Variants in THADA observed in about 807,000 individuals in gnomAD.
The protein encoded by THADA is tRNA (32-2'-O)-methyltransferase regulator THADA.
In THADA, 213 loss-of-function variants were observed where a neutral mutation model predicts 219.8. The observed-to-expected ratio is 0.97, with a 90% confidence interval of 0.87 to 1.09. The LOEUF is 1.09. Among genes scored for constraint, THADA ranks in the 50% least tolerant of loss-of-function variants. THADA has a pLI of 0.00. For synonymous variants in THADA, 1,018 were observed against 828.9 expected (o/e 1.23, Z -3.92); for missense variants, 2,956 against 2,311.3 (o/e 1.28, Z -5.72).
chr2:43,292,846 T>A lies in THADA; in HGVS notation c.4806A>T (p.Glu1602Asp). Residue 1602 changes from glutamate (E) to aspartate (D), a missense_variant, in exon 32 of 38, where the codon GAA becomes GAT. Glu to Asp is a conservative substitution (Grantham distance 45, BLOSUM62 2). Coordinates refer to ENST00000405975, the MANE Select transcript of THADA (RefSeq NM_022065.5). Reference sequence around the variant, plus strand: ...TTGGAGACTTTACCTTGCAGAAGCATTCTGGGTGATTTTCCTTCATGGCCA... The same window carrying A: ...TTGGAGACTTTACCTTGCAGAAGCAATCTGGGTGATTTTCCTTCATGGCCA... ...LLLAMKENHPECFCKILKILH... is the reference protein window; with the variant it reads ...LLLAMKENHPDCFCKILKILH... The A allele has an allele frequency of 6.2e-7, 1 of 1,612,664 alleles. No homozygotes were observed. The highest frequency in any genetic ancestry group is 8.5e-7 in the Non-Finnish European group (1 of 1,179,804).
chr2:43,271,210 T>A (rs540090719), intron 36 of THADA, among the ~76,000 whole-genome samples: 2 of 152,332 alleles, frequency 1.3e-5, no homozygotes, highest in South Asian at 4.1e-4. Context: ...AGAAATTCCA[T>A]CCTGCATGAT....
intron 29 of THADA, among the ~76,000 whole-genome samples, chr2:43,361,985 AG>A: frequency 6.6e-6 from 1 of 152,336 alleles, no homozygotes; most frequent in East Asian, 1.9e-4. Flanking sequence ...ACATATCCAG[AG>A]GTATAATTTC....
intron 28 of THADA, chr2:43,408,480 T>C (rs1477038521): frequency 1.3e-5 from 2 of 152,216 alleles, no homozygotes; most frequent in Non-Finnish European, 2.9e-5. Flanking sequence ...ATTGGCAGAA[T>C]TTTCTTGGGT....
At chr2:43,532,506 G>A (rs555913352) in intron 21 of THADA, among the ~76,000 whole-genome samples, 1 of 151,150 alleles carries the variant, frequency 6.6e-6, no homozygotes, top group South Asian at 2.1e-4. Flanking sequence ...AAAACCACAT[G>A]ATTATCTCAA....
At chr2:43,312,133 C>T (rs1281870485) in intron 31 of THADA, among the ~76,000 whole-genome samples, 1 of 151,666 alleles carries the variant, frequency 6.6e-6, no homozygotes. Flanking sequence ...GCAGGAGGAT[C>T]ACTTGGGCCC....
At chr2:43,374,387 T>C (rs1330580013) in intron 29 of THADA, among the ~76,000 whole-genome samples, 1 of 152,226 alleles carries the variant, frequency 6.6e-6, no homozygotes, top group Non-Finnish European at 1.5e-5. Flanking sequence ...CACTGTAAAA[T>C]AGTATTCACT....
chr2:43,406,970 A>C (rs920719144), intron 28 of THADA, among the ~76,000 whole-genome samples: 8 of 152,206 alleles, frequency 5.3e-5, no homozygotes, highest in African/African-American at 9.7e-5. Context: ...GGCTACACAA[A>C]CAACCAAGAA....
At chr2:43,556,659 T>G in intron 16 of THADA, 104 bp from the exon 17 acceptor site, 2 of 1,090,834 alleles carry the variant, frequency 1.8e-6, no homozygotes, top group Non-Finnish European at 2.6e-6. Context: ...TACAGTGGGC[T>G]CGAGCCTAGA....
At chr2:43,590,469 G>A (rs1342035550) in intron 4 of THADA, among the ~76,000 whole-genome samples, 1 of 151,912 alleles carries the variant, frequency 6.6e-6, no homozygotes, top group Non-Finnish European at 1.5e-5. Context: ...AAGGTCAGGA[G>A]ATCAAGACCA....
intron 31 of THADA, among the ~76,000 whole-genome samples, chr2:43,308,356 G>T (rs1240078826): frequency 6.6e-6 from 1 of 151,908 alleles, no homozygotes; most frequent in African/African-American, 2.4e-5. Flanking sequence ...CATTTGAATG[G>T]AATCACAGAA....
chr2:43,491,922 C>T (rs1687685045), intron 25 of THADA: 1 of 152,222 alleles, frequency 6.6e-6, no homozygotes, highest in Non-Finnish European at 1.5e-5. Flanking sequence ...CAACTGCAAA[C>T]TGACAACTGT....
chr2:43,592,055 C>A lies in THADA; in HGVS notation c.77-9G>T. ...TTCCACATCAGCAAAAGCTATATAA[C>A]ATATACAAAAAAAAATTTTCAATGA... On this transcript the variant is annotated splice_polypyrimidine_tract_variant and intron_variant, in intron 2 of 37. Transcript: ENST00000405975. 6.5e-7 allele frequency: 1 copy of A among 1,527,558 alleles called. No homozygotes were observed. Among genetic ancestry groups the A allele is most frequent in the Non-Finnish European group, 8.8e-7 (1 of 1,138,338 alleles). 94.6% of individuals were successfully genotyped at this position (1,527,558 alleles called of 1,614,324 possible).
At chr2:43,264,290 T>A (rs1005182552) in intron 36 of THADA, among the ~76,000 whole-genome samples, 13 of 147,730 alleles carry the variant, frequency 8.8e-5, no homozygotes, top group African/African-American at 3.2e-4. Context: ...TTTCTTTTCT[T>A]TTTTTTTTTT....
At chr2:43,360,690 G>C (rs762569156) in intron 29 of THADA, among the ~76,000 whole-genome samples, 1 of 152,152 alleles carries the variant, frequency 6.6e-6, no homozygotes, top group African/African-American at 2.4e-5. Context: ...TAAGCAACCA[G>C]TCACCCACCC....
Position 43,592,014 on chromosome 2 carries a change from A to T in THADA, c.109T>A (p.Ser37Thr). ...FADVEGKNLA[S>T]LLLHCVQLTD... ...AGTTGCACACAATGTAACAGCAAAGAAGCTAGATTTTTCCCTTCCACATCA... is the reference window on the plus strand; with the variant it reads ...AGTTGCACACAATGTAACAGCAAAGTAGCTAGATTTTTCCCTTCCACATCA... The change falls in exon 3 of 38, where the codon TCT becomes ACT. Residue 37 changes from serine (S) to threonine (T), a missense_variant. Transcript: ENST00000405975. The T allele has an allele frequency of 6.4e-7, 1 of 1,563,678 alleles. No individual in the cohort carries two copies.
intron 30 of THADA, among the ~76,000 whole-genome samples, chr2:43,342,089 C>T (rs1027460155): frequency 6.6e-6 from 1 of 152,126 alleles, no homozygotes; most frequent in African/African-American, 2.4e-5. Context: ...GTGGCGTGTG[C>T]CTGTAGTCCC....
At chr2:43,415,868 C>G (rs909787270) in intron 28 of THADA, among the ~76,000 whole-genome samples, 4 of 151,404 alleles carry the variant, frequency 2.6e-5, no homozygotes, top group African/African-American at 4.8e-5. Context: ...TTCAACCACG[C>G]AGCAGAATGC....
intron 14 of THADA, 135 bp downstream of exon 14, chr2:43,570,253 G>A: frequency 1.2e-6 from 1 of 837,836 alleles, no homozygotes; most frequent in South Asian, 1.9e-5. Flanking sequence ...CCAGAAATAG[G>A]TAATACTCAG....
chr2:43,292,278 T>C, intron 32 of THADA, 56 bp from the exon 33 acceptor site: 5 of 1,123,926 alleles, frequency 4.4e-6, no homozygotes, highest in Non-Finnish European at 5.1e-6. Flanking sequence ...GGGAGATGTC[T>C]CTAGATGTTA....
Sources: allele counts gnomAD v4.1 joint callset (sites outside exome capture counted in the v4.1 genomes callset), GRCh38; gene constraint gnomAD v4.1.1; transcripts MANE v1.5; gene names NCBI Gene and HGNC (gene_info 2026-07-23, HGNC 2026-07-21).